TBL1XR1: variants seen among roughly 807,000 people sequenced by gnomAD.
TBL1XR1 encodes the protein F-box-like/WD repeat-containing protein TBL1XR1.
A neutral mutation model predicts 66.9 loss-of-function variants in TBL1XR1; 5 were observed. That is an observed-to-expected ratio of 0.07 (90% confidence interval 0.04 to 0.16). TBL1XR1 has a LOEUF of 0.16. Ranked by LOEUF, TBL1XR1 falls within the 10% of genes least tolerant of loss-of-function variation. TBL1XR1 has a pLI of 1.00. For synonymous variants in TBL1XR1, 210 were observed against 206.0 expected (o/e 1.02, Z -0.17); for missense variants, 238 against 623.2 (o/e 0.38, Z 6.58).
intron 1 of TBL1XR1, among the ~76,000 whole-genome samples, chr3:177,193,220 C>T (rs1736389158): frequency 6.6e-6 from 1 of 151,916 alleles, no homozygotes; most frequent in African/African-American, 2.4e-5. Flanking sequence ...ACCCCAACAT[C>T]ACAGCTAGTA....
Position 177,051,710 on chromosome 3 carries a change from T to A in TBL1XR1, c.221A>T (p.Asp74Val). ...VSINEDGTLF[D>V]GRPIESLSLI... is the part of the protein sequence containing the mutation. Reference sequence around the variant, plus strand: ...GGACAGAGACTCTATTGGTCGACCATCAAACAAGGTACCATCCTGGATTTG... The same window carrying A: ...GGACAGAGACTCTATTGGTCGACCAACAAACAAGGTACCATCCTGGATTTG... Residue 74 changes from aspartate (D) to valine (V), a missense_variant, in exon 5 of 16, where the codon GAT (aspartate) becomes GTT (valine). Around this residue, in one of 8 missense-constraint regions of TBL1XR1, gnomAD observed 80 missense variants for 100.5 expected, o/e 0.80. Coordinates refer to ENST00000457928, the MANE Select transcript of TBL1XR1 (RefSeq NM_024665.7). The A allele has an allele frequency of 6.3e-7, 1 of 1,583,502 alleles. No individual in the cohort carries two copies. The highest frequency in any genetic ancestry group is 8.6e-7 in the Non-Finnish European group (1 of 1,161,356).
At chr3:177,032,607 T>C (rs556375251) in intron 14 of TBL1XR1, 45 of 159,016 alleles carry the variant, frequency 2.8e-4, no homozygotes, top group Non-Finnish European at 4.7e-4. Context: ...CATTCAGCCA[T>C]AAAATCTGGT....
chr3:177,043,514 G>A (rs951744437), intron 10 of TBL1XR1, among the ~76,000 whole-genome samples: 1 of 152,036 alleles, frequency 6.6e-6, no homozygotes, highest in African/African-American at 2.4e-5. Flanking sequence ...CACTTGAAAT[G>A]TATAAATGTA....
rs1712475163 is a variant in TBL1XR1 at position 177,022,233 on chromosome 3, T to C, written c.*3265A>G. 6.6e-6 allele frequency: 1 copy of C among 152,546 alleles called. No individual in the cohort carries two copies. Among genetic ancestry groups the C allele is most frequent in the South Asian group, 2.1e-4 (1 of 4,824 alleles). 9.4% of individuals were successfully genotyped at this position (152,546 alleles called of 1,614,324 possible). ...ACCTTCATGTATTTCAATCTAGTGA[T>C]TACTTTTTGCACCATAATTTGTTTT... On this transcript the variant is annotated 3_prime_UTR_variant, in exon 16 of 16. Transcript: ENST00000457928.
intron 1 of TBL1XR1, among the ~76,000 whole-genome samples, chr3:177,127,552 G>C (rs1190814214): frequency 6.6e-6 from 1 of 152,120 alleles, no homozygotes; most frequent in Non-Finnish European, 1.5e-5. Flanking sequence ...CAGCTCATTA[G>C]ACTACTAGTA....
chr3:177,085,444 T>G (rs1560157498), intron 2 of TBL1XR1, among the ~76,000 whole-genome samples: 1 of 152,152 alleles, frequency 6.6e-6, no homozygotes, highest in Non-Finnish European at 1.5e-5. Context: ...CCAGGAATGG[T>G]ACAGATGAAG....
intron 1 of TBL1XR1, among the ~76,000 whole-genome samples, chr3:177,098,809 C>A (rs1723827225): frequency 6.6e-6 from 1 of 152,058 alleles, no homozygotes; most frequent in Admixed American, 6.6e-5. Context: ...GGTCTCACCA[C>A]CAGGCAACTC....
At chr3:177,105,252 A>G (rs1724730860) in intron 1 of TBL1XR1, among the ~76,000 whole-genome samples, 1 of 152,242 alleles carries the variant, frequency 6.6e-6, no homozygotes, top group Admixed American at 6.5e-5. Flanking sequence ...AGTGCCTTTG[A>G]AATACGACAG....
At chr3:177,141,992 A>G (rs749969183) in intron 1 of TBL1XR1, among the ~76,000 whole-genome samples, 8 of 152,250 alleles carry the variant, frequency 5.3e-5, no homozygotes, top group Non-Finnish European at 8.8e-5. Context: ...AGGTACCTAT[A>G]ATACTCAAAT....
intron 1 of TBL1XR1, among the ~76,000 whole-genome samples, chr3:177,130,298 T>C (rs1221588539): frequency 6.6e-6 from 1 of 152,174 alleles, no homozygotes; most frequent in Non-Finnish European, 1.5e-5. Flanking sequence ...CATTGCTGCA[T>C]TATAAAAAGA....
chr3:177,188,549 AAAAAG>A (rs1735722359), intron 1 of TBL1XR1, among the ~76,000 whole-genome samples: 1 of 152,090 alleles, frequency 6.6e-6, no homozygotes. Context: ...CTCCGTCAAA[AAAAAG>A]AAATTACTCT....
chr3:177,174,453 T>C (rs1733932003), intron 1 of TBL1XR1, among the ~76,000 whole-genome samples: 1 of 148,274 alleles, frequency 6.7e-6, no homozygotes, highest in East Asian at 2.0e-4. Flanking sequence ...GACAAAGGAT[T>C]CCTCATTCTC....
intron 3 of TBL1XR1, among the ~76,000 whole-genome samples, chr3:177,055,478 A>G (rs1191648169): frequency 6.7e-6 from 1 of 149,510 alleles, no homozygotes; most frequent in African/African-American, 2.5e-5. Flanking sequence ...AAGCAAGATC[A>G]TAATTAAATG....
chr3:177,025,884 T>G (rs1713045751), intron 15 of TBL1XR1: 1 of 294,444 alleles, frequency 3.4e-6, no homozygotes, highest in Non-Finnish European at 6.3e-6. Context: ...TAGCTACCCT[T>G]TTCCCACCTT....
At chr3:177,087,797 T>C (rs1300604528) in intron 2 of TBL1XR1, among the ~76,000 whole-genome samples, 3 of 152,078 alleles carry the variant, frequency 2.0e-5, no homozygotes, top group East Asian at 1.9e-4. Flanking sequence ...CAATACACCA[T>C]TGAAGTAAGA....
intron 13 of TBL1XR1, among the ~76,000 whole-genome samples, 172 bp downstream of exon 13, chr3:177,034,026 A>G (rs530152607): frequency 3.9e-5 from 6 of 152,200 alleles, no homozygotes; most frequent in African/African-American, 1.2e-4. Context: ...AATCAGCACT[A>G]AAGAATTTAT....
In TBL1XR1 at chr3:177,135,949, A is replaced by C. The variant is rs551659655; in HGVS notation, c.-121-37408T>G. Among the ~76,000 whole-genome samples, 5 of 151,844 alleles carry C rather than the reference A, an allele frequency of 3.3e-5. No individual in the cohort carries two copies. In the East Asian group the frequency reaches 9.9e-4, roughly 30 times the overall value. The stretch of plus-strand genomic sequence containing the variant: ...TGCTTTTTATTCCTTCCCAATGAGG[A>C]AATTACCTAAAACTGTTAAGCCAGA... On this transcript the variant is annotated intron_variant, in intron 1 of 15. Transcript: ENST00000457928.
At chr3:177,137,738 G>T (rs1729163472) in intron 1 of TBL1XR1, among the ~76,000 whole-genome samples, 1 of 152,106 alleles carries the variant, frequency 6.6e-6, no homozygotes, top group African/African-American at 2.4e-5. Flanking sequence ...GGGAGGCTGA[G>T]ACAGGTGGAC....
At chr3:177,125,833 T>G (rs2108770249) in intron 1 of TBL1XR1, among the ~76,000 whole-genome samples, 1 of 152,308 alleles carries the variant, frequency 6.6e-6, no homozygotes, top group Non-Finnish European at 1.5e-5. Flanking sequence ...GATTTTATAT[T>G]TCAAATAGTA....
Sources: allele counts gnomAD v4.1 joint callset (sites outside exome capture counted in the v4.1 genomes callset), GRCh38; gene constraint gnomAD v4.1.1; regional missense constraint gnomAD v4.1.1; transcripts MANE v1.5; gene names NCBI Gene and HGNC (gene_info 2026-07-23, HGNC 2026-07-21).